The following ATR variants were observed in gnomAD, a reference collection of about 807,000 sequenced individuals.
ATR encodes ATR checkpoint kinase.
In ATR, 142 loss-of-function variants were observed where a neutral mutation model predicts 305.3. The ratio of observed to expected loss-of-function variants is 0.47; its 90% CI spans 0.41 to 0.53. ATR has a LOEUF of 0.53. Among genes scored for constraint, ATR ranks in the 20% least tolerant of loss-of-function variants. ATR has a pLI of 0.00. For synonymous variants in ATR, 1,050 were observed against 1,068.1 expected (o/e 0.98, Z 0.33); for missense variants, 2,135 against 3,133.1 (o/e 0.68, Z 7.60).
intron 21 of ATR, among the ~76,000 whole-genome samples, chr3:142,530,744 T>C (rs1390084383): frequency 1.3e-5 from 2 of 152,230 alleles, no homozygotes; most frequent in African/African-American, 4.8e-5. Context: ...GTTTATGCCA[T>C]AGTCTCTGAA....
At chr3:142,506,830 C>T (rs574954859) in intron 28 of ATR, among the ~76,000 whole-genome samples, 1 of 152,326 alleles carries the variant, frequency 6.6e-6, no homozygotes, top group South Asian at 2.1e-4. Flanking sequence ...AAGAGACAGT[C>T]ATCTTGACAA....
rs748979139 is a variant in ATR at position 142,559,251 on chromosome 3, C to T, written c.1732G>A (p.Val578Ile). The change falls in exon 7 of 47, where the codon GTA becomes ATA. Residue 578 changes from valine (V) to isoleucine (I), a missense_variant and splice_region_variant. Coordinates refer to ENST00000350721, the MANE Select transcript of ATR (RefSeq NM_001184.4). ...KIYDALIYMQVNSSFEDHILE... is the reference protein window; with the variant it reads ...KIYDALIYMQINSSFEDHILE... ...TGATCTGTTGCTAATTTGTACTCAC[C>T]TTGCATATAAATCAAAGCATCATAA... is the stretch of plus-strand genomic sequence containing the variant. The T allele has an allele frequency of 6.2e-7, 1 of 1,612,530 alleles. No homozygotes were observed. The highest frequency in any genetic ancestry group is 1.1e-5 in the South Asian group (1 of 91,038).
chr3:142,567,713 G>A (rs1284432224), intron 2 of ATR, among the ~76,000 whole-genome samples: 1 of 152,024 alleles, frequency 6.6e-6, no homozygotes, highest in Non-Finnish European at 1.5e-5. Flanking sequence ...AGGTTTTTTT[G>A]GGTGGCATTT....
In ATR at chr3:142,470,240, G is replaced by A. The variant is rs927325351; in HGVS notation, c.6222-57C>T. ...CATAGCTGTCATTTTTATATTATACGAATTAAAATTTAAAGATTCAAACTA... is the reference window on the plus strand; with the variant it reads ...CATAGCTGTCATTTTTATATTATACAAATTAAAATTTAAAGATTCAAACTA... On this transcript the variant is annotated intron_variant, in intron 36 of 46. Coordinates refer to ENST00000350721, the MANE Select transcript of ATR (RefSeq NM_001184.4). The A allele has an allele frequency of 4.5e-5, 61 of 1,365,020 alleles. 1 individual carries two copies. The highest frequency in any genetic ancestry group is 1.8e-4 in the South Asian group (15 of 81,386). 84.6% of individuals were successfully genotyped at this position (1,365,020 alleles called of 1,614,324 possible).
intron 19 of ATR, among the ~76,000 whole-genome samples, chr3:142,536,830 T>G (rs749518392): frequency 5.9e-5 from 9 of 152,134 alleles, no homozygotes; most frequent in Non-Finnish European, 1.0e-4. Context: ...TTGGAGTGAT[T>G]TGGAATGTAG....
chr3:142,467,507 C>T (rs2071158086), intron 39 of ATR, among the ~76,000 whole-genome samples: 1 of 152,052 alleles, frequency 6.6e-6, no homozygotes, highest in South Asian at 2.1e-4. Flanking sequence ...AAAGCAAAAC[C>T]CCAACCCTCT....
Position 142,578,694 on chromosome 3 carries a change from T to A in ATR, c.11A>T (p.His4Leu), listed in dbSNP as rs561216130. Reference protein sequence around the residue: MGEHGLELASMIPA... With the variant: MGELGLELASMIPA... ...GATCATGGAAGCCAGCTCCAGGCCA[T>A]GTTCCCCCATGCTGAGGCTGCGAGG... Residue 4 changes from histidine to leucine, a missense_variant, in exon 1 of 47, where the codon CAT (histidine) becomes CTT (leucine). Around this residue, in one of 9 missense-constraint regions of ATR, gnomAD observed 744 missense variants for 873.2 expected, o/e 0.85. Transcript: ENST00000350721. The A allele has an allele frequency of 6.2e-7, 1 of 1,613,306 alleles. No homozygotes were observed. Among genetic ancestry groups the A allele is most frequent in the Non-Finnish European group, 8.5e-7 (1 of 1,179,792 alleles).
Position 142,451,748 on chromosome 3 carries a change from TAAAAA to T in ATR, c.7761+1375_7761+1379del, listed in dbSNP as rs201772557. ...GAGTGTGCCACTGAGCCCAGCTAAT[TAAAAA>T]AAAACAAAAACTATTTGTAGAGACC... On this transcript the variant is annotated intron_variant, in intron 46 of 46. Transcript: ENST00000350721. 3 of 1,033,960 alleles carry T rather than the reference TAAAAA, an allele frequency of 2.9e-6. No individual in the cohort carries two copies. In the African/African-American group the frequency reaches 5.0e-5, roughly 17 times the overall value. The allele number at this position is 1,033,960 out of a possible 1,614,324, so 64.0% of individuals were successfully genotyped here. A position where few individuals can be genotyped will look rare whatever the true frequency, so the allele number is the denominator to read the frequency against.
intron 29 of ATR, 111 bp from the exon 30 acceptor site, chr3:142,503,564 TA>T (rs2032086600): frequency 6.0e-6 from 3 of 499,496 alleles, no homozygotes; most frequent in East Asian, 3.7e-5. Context: ...TTATTGCCCT[TA>T]TTTTTTTATT....
chr3:142,496,316 A>ATC (rs1216195578), intron 34 of ATR, 45 bp downstream of exon 34: 3 of 212,984 alleles, frequency 1.4e-5, no homozygotes, highest in African/African-American at 1.1e-4. Context: ...ATATATATAT[A>ATC]TATATATATA....
Position 142,553,708 on chromosome 3 carries a change from T to C in ATR, c.2565A>G (p.Thr855=). The change falls in exon 12 of 47, where the codon ACA becomes ACG. Residue 855 remains threonine (T), a synonymous_variant. Coordinates refer to ENST00000350721, the MANE Select transcript of ATR (RefSeq NM_001184.4). ...CATTATTTCTTGATATTTGGGCATGTGTATATGCTTCCTTCATTCTTAAGA... is the reference window on the plus strand; with the variant it reads ...CATTATTTCTTGATATTTGGGCATGCGTATATGCTTCCTTCATTCTTAAGA... ...LFVLRMKEAY[T]HAQISRNNEL... 2 of 1,613,036 alleles carry C rather than the reference T, an allele frequency of 1.2e-6. No individual in the cohort carries two copies. The highest frequency in any genetic ancestry group is 1.7e-6 in the Non-Finnish European group (2 of 1,179,140).
chr3:142,542,068 T>C (rs896708448), intron 17 of ATR, among the ~76,000 whole-genome samples: 1 of 152,114 alleles, frequency 6.6e-6, no homozygotes, highest in Non-Finnish European at 1.5e-5. Flanking sequence ...GTTGCAGCAG[T>C]CATAATGAAA....
intron 44 of ATR, 79 bp from the exon 45 acceptor site, chr3:142,457,834 T>C: frequency 6.5e-7 from 1 of 1,530,284 alleles, no homozygotes; most frequent in Non-Finnish European, 8.9e-7. Flanking sequence ...CATGTCCAGA[T>C]TCTTTTAGCA....
intron 29 of ATR, among the ~76,000 whole-genome samples, chr3:142,503,938 T>C (rs1454689195): frequency 6.6e-6 from 1 of 152,228 alleles, no homozygotes; most frequent in Non-Finnish European, 1.5e-5. Context: ...ATTTCTCACA[T>C]AAACATTCAA....
At chr3:142,520,559 G>T (rs182182840) in intron 23 of ATR, among the ~76,000 whole-genome samples, 156 of 152,216 alleles carry the variant, frequency 1.0e-3, no homozygotes, top group African/African-American at 3.6e-3. Flanking sequence ...AGTTTTAGTG[G>T]TCTGGATAAA....
chr3:142,457,714 C>T lies in ATR; in HGVS notation c.7545G>A (p.Leu2515=). The part of the protein sequence containing the change: ...FEVPEIVPFR[L]THNMVNGMGP... ...CCATTCCATTAACCATATTATGAGT[C>T]AGGCGAAATGGCACAATTTCTGGAA... Residue 2515 remains leucine (L), a synonymous_variant, in exon 45 of 47, where the codon CTG becomes CTA. Coordinates refer to ENST00000350721, the MANE Select transcript of ATR (RefSeq NM_001184.4). 1 of 1,614,078 alleles carries T rather than the reference C, an allele frequency of 6.2e-7. No homozygotes were observed. The highest frequency in any genetic ancestry group is 8.5e-7 in the Non-Finnish European group (1 of 1,179,982).
At chr3:142,516,191 T>C (rs1417130483) in intron 24 of ATR, among the ~76,000 whole-genome samples, 1 of 152,146 alleles carries the variant, frequency 6.6e-6, no homozygotes, top group Non-Finnish European at 1.5e-5. Flanking sequence ...GACACCCCTG[T>C]CTCTTTGCCT....
intron 21 of ATR, among the ~76,000 whole-genome samples, chr3:142,530,006 T>C (rs901576696): frequency 6.6e-6 from 1 of 152,096 alleles, no homozygotes. Context: ...ATTAATTCTG[T>C]TCTCTTGTTT....
intron 36 of ATR, among the ~76,000 whole-genome samples, chr3:142,475,913 G>A (rs10935464): frequency 1.3e-5 from 2 of 152,062 alleles, no homozygotes; most frequent in Non-Finnish European, 2.9e-5. Flanking sequence ...AGAAGTGTCT[G>A]TTATATCCTT....
Sources: gnomAD v4.1 joint callset for allele counts (sites outside exome capture counted in the v4.1 genomes callset) on GRCh38, gnomAD v4.1.1 for gene constraint, gnomAD v4.1.1 regional missense constraint, MANE v1.5 for transcripts, NCBI Gene and HGNC (gene_info 2026-07-23, HGNC 2026-07-21) for gene names.